Variants in PARG observed in about 807,000 individuals in gnomAD.
PARG encodes the protein poly(ADP-ribose) glycohydrolase, also known as mitochondrial poly(ADP-ribose) glycohydrolase.
PARG carries 35 observed loss-of-function variants against 113.0 expected under a neutral mutation model. That is an observed-to-expected ratio of 0.31 (90% CI 0.24 to 0.41). PARG has a LOEUF of 0.41. PARG is among the 10% of genes least tolerant of loss of function. PARG has a pLI of 1.00. For synonymous variants in PARG, 330 were observed against 409.9 expected (o/e 0.81, Z 2.36); for missense variants, 797 against 1,169.4 (o/e 0.68, Z 4.64).
At chr10:49,910,134 A>C (rs1381220188) in intron 7 of PARG, among the ~76,000 whole-genome samples, 1 of 152,164 alleles carries the variant, frequency 6.6e-6, no homozygotes, top group Admixed American at 6.5e-5. Flanking sequence ...CACATAAATA[A>C]AAATGCAAGT....
intron 8 of PARG, among the ~76,000 whole-genome samples, chr10:49,880,607 C>T (rs1847166158): frequency 6.6e-6 from 1 of 152,076 alleles, no homozygotes; most frequent in African/African-American, 2.4e-5. Flanking sequence ...AATAAAGTTC[C>T]AAGACCCCCA....
intron 13 of PARG, among the ~76,000 whole-genome samples, chr10:49,848,961 C>T (rs1349987695): frequency 4.6e-5 from 7 of 151,584 alleles, no homozygotes; most frequent in South Asian, 2.1e-4. Flanking sequence ...ATGTCAATTC[C>T]GAGGTGGGCG....
intron 1 of PARG, among the ~76,000 whole-genome samples, chr10:49,939,583 A>C (rs1448481605): frequency 6.6e-6 from 1 of 152,210 alleles, no homozygotes; most frequent in African/African-American, 2.4e-5. Flanking sequence ...CCACGCTTAA[A>C]AGCTTTTTAG....
chr10:49,914,706 C>T (rs1189871559), intron 7 of PARG, among the ~76,000 whole-genome samples: 1 of 152,154 alleles, frequency 6.6e-6, no homozygotes, highest in Non-Finnish European at 1.5e-5. Context: ...GACCACAAAG[C>T]TATGCAACCA....
chr10:49,819,526 T>A, intron 17 of PARG, 32 bp from the exon 18 acceptor site: 1 of 1,517,030 alleles, frequency 6.6e-7, no homozygotes, highest in South Asian at 1.2e-5. Context: ...CAGAGGCACA[T>A]TAAAGTATGT....
intron 7 of PARG, among the ~76,000 whole-genome samples, chr10:49,911,639 T>C (rs1837190820): frequency 6.6e-6 from 1 of 152,250 alleles, no homozygotes; most frequent in Non-Finnish European, 1.5e-5. Flanking sequence ...CTGTGATCTT[T>C]GCTGGTTTCT....
At chr10:49,823,359 G>A (rs1009943198) in intron 16 of PARG, among the ~76,000 whole-genome samples, 31 of 151,886 alleles carry the variant, frequency 2.0e-4, no homozygotes, top group East Asian at 7.7e-4. Context: ...ATTTGATATC[G>A]TTGAGTATTT....
chr10:49,927,621 A>G (rs1386097386), intron 4 of PARG, among the ~76,000 whole-genome samples: 1 of 152,134 alleles, frequency 6.6e-6, no homozygotes, highest in East Asian at 1.9e-4. Context: ...TTAGGATTAT[A>G]TTGTGTCACG....
chr10:49,935,143 C>G lies in PARG; in HGVS notation c.218-1G>C. The G allele has an allele frequency of 2.7e-6, 2 of 745,658 alleles. No individual in the cohort carries two copies. Among genetic ancestry groups the G allele is most frequent in the Non-Finnish European group, 4.7e-6 (2 of 425,318 alleles). The allele number at this position is 745,658 out of a possible 1,614,324, so 46.2% of individuals were successfully genotyped here. ...CTGGTAATAGTCTTTTGTTTGAAAA[C>G]TATAAAAAAAAATGTATATTCATAC... On this transcript the variant is annotated splice_acceptor_variant, in intron 1 of 17. Transcript: ENST00000616448. LOFTEE classifies it high-confidence loss of function.
At chr10:49,835,169 A>T (rs141240309) in intron 15 of PARG, among the ~76,000 whole-genome samples, 32 of 152,244 alleles carry the variant, frequency 2.1e-4, no homozygotes, top group Non-Finnish European at 3.4e-4. Flanking sequence ...GAGACCTTAA[A>T]AGAGTTGCCA....
intron 16 of PARG, among the ~76,000 whole-genome samples, chr10:49,831,670 C>T (rs1207143714): frequency 6.6e-6 from 1 of 152,128 alleles, no homozygotes; most frequent in Non-Finnish European, 1.5e-5. Flanking sequence ...CTGGTGTACA[C>T]GCTGATGTGC....
chr10:49,932,063 C>T (rs1838513456), intron 4 of PARG, 37 bp downstream of exon 4: 2 of 1,160,988 alleles, frequency 1.7e-6, no homozygotes, highest in African/African-American at 3.0e-5. Flanking sequence ...TAAGGACTTC[C>T]AGTCTTCTCT....
chr10:49,888,997 A>G (rs1190447816), intron 7 of PARG, among the ~76,000 whole-genome samples: 6 of 149,440 alleles, frequency 4.0e-5, no homozygotes, highest in South Asian at 2.1e-4. Context: ...TGTCTATTCC[A>G]TTTTAAAAAT....
intron 1 of PARG, among the ~76,000 whole-genome samples, chr10:49,939,437 A>C (rs1838909715): frequency 1.3e-5 from 2 of 152,212 alleles, no homozygotes; most frequent in South Asian, 4.1e-4. Flanking sequence ...TGAAACATTT[A>C]TTTCAGTTAT....
rs1846261096 is a variant in PARG at position 49,861,679 on chromosome 10, A to G, written c.2130-16T>C. ...TTTTTCACATCTACAATATAAAAAG[A>G]CATTCCCTTATTTATTATTTTAATG... is the stretch of plus-strand genomic sequence containing the variant. On this transcript the variant is annotated splice_polypyrimidine_tract_variant and intron_variant, in intron 11 of 17. Coordinates refer to ENST00000616448, the MANE Select transcript of PARG (RefSeq NM_003631.5). 2.4e-6 allele frequency: 2 copies of G among 839,174 alleles called. No homozygotes were observed. Among genetic ancestry groups the G allele is most frequent in the Non-Finnish European group, 4.0e-6 (2 of 496,756 alleles). The allele number at this position is 839,174 out of a possible 1,614,324, so 52.0% of individuals were successfully genotyped here.
intron 4 of PARG, among the ~76,000 whole-genome samples, chr10:49,927,369 GGAAAGAAAGAAAGAAA>G (rs200282973): frequency 0.035 from 4,545 of 130,686 alleles, 116 homozygotes; most frequent in South Asian, 0.082. Context: ...AAGGAAAGAA[GGAAAGAAAGAAAGAAA>G]GAAAGAAAGA....
In PARG at chr10:49,874,778, C is replaced by T. The variant is rs374536500; in HGVS notation, c.1988+4895G>A. Among the ~76,000 whole-genome samples the T allele has an allele frequency of 1.6e-3, 236 of 149,134 alleles. 15 individuals carry two copies. The South Asian group carries it at 0.047, about 29-fold the overall frequency. ...CTGAGGCAGGAGATTGGTGTGAACC[C>T]GGGAGGTGGAGCTTGCAGTGAGCCG... is the stretch of plus-strand genomic sequence containing the variant. On this transcript the variant is annotated intron_variant, in intron 9 of 17. Transcript: ENST00000616448.
chr10:49,876,599 A>G (rs1159963885), intron 9 of PARG, among the ~76,000 whole-genome samples: 1 of 152,256 alleles, frequency 6.6e-6, no homozygotes, highest in Non-Finnish European at 1.5e-5. Flanking sequence ...AACCTATCCT[A>G]GCAGAATCTG....
intron 6 of PARG, among the ~76,000 whole-genome samples, chr10:49,917,255 T>C (rs1296102261): frequency 4.6e-5 from 7 of 151,710 alleles, no homozygotes; most frequent in East Asian, 1.9e-4. Flanking sequence ...CTTTGGGAGG[T>C]TGAGGTGGGC....
Sources: allele counts gnomAD v4.1 joint callset (sites outside exome capture counted in the v4.1 genomes callset), GRCh38; gene constraint gnomAD v4.1.1; transcripts MANE v1.5; gene names NCBI Gene and HGNC (gene_info 2026-07-23, HGNC 2026-07-21).